B3GNT2: variants seen among roughly 807,000 people sequenced by gnomAD.
B3GNT2 encodes N-acetyllactosaminide beta-1,3-N-acetylglucosaminyltransferase 2.
B3GNT2 carries 12 observed loss-of-function variants against 27.6 expected under a neutral mutation model. That is an observed-to-expected ratio of 0.44 (90% CI 0.28 to 0.71). The LOEUF (loss-of-function observed/expected upper bound fraction) is 0.71, where lower values mean the gene tolerates loss of function less well. Among genes scored for constraint, B3GNT2 ranks in the 30% least tolerant of loss-of-function variants. The pLI is 0.17. For synonymous variants in B3GNT2, 192 were observed against 189.7 expected (o/e 1.01, Z -0.10); for missense variants, 413 against 488.5 (o/e 0.85, Z 1.46).
At position 62,196,332 on chromosome 2, in the gene B3GNT2, G is replaced by A. The variant is rs1300831911; in HGVS notation, c.-33G>A. 2 of 152,182 alleles carry A rather than the reference G, an allele frequency of 1.3e-5. No individual in the cohort carries two copies. Among genetic ancestry groups the A allele is most frequent in the African/African-American group, 4.8e-5 (2 of 41,382 alleles). 9.4% of individuals were successfully genotyped at this position (152,182 alleles called of 1,614,324 possible). A position where few individuals can be genotyped will look rare whatever the true frequency, so the allele number is the denominator to read the frequency against. On this transcript the variant is annotated 5_prime_UTR_variant, in exon 1 of 2. Transcript: ENST00000301998. ...CTCCCGCCCTTGCCCCCGCCCCGCC[G>A]AGCTGGAGCTGCTCCCGGACAAGGT...
intron 1 of B3GNT2, chr2:62,221,749 G>A (rs1674698067): frequency 2.1e-6 from 1 of 465,372 alleles, no homozygotes; most frequent in Non-Finnish European, 4.2e-6. Context: ...TTTTGTGTAT[G>A]TATGTGTATA....
chr2:62,197,554 T>G (rs1406732020), intron 1 of B3GNT2, among the ~76,000 whole-genome samples: 2 of 152,250 alleles, frequency 1.3e-5, no homozygotes, highest in Non-Finnish European at 2.9e-5. Flanking sequence ...TCAGAAAGAT[T>G]GTTTAGAACA....
chr2:62,217,672 G>A (rs1674602490), intron 1 of B3GNT2, among the ~76,000 whole-genome samples: 1 of 152,188 alleles, frequency 6.6e-6, no homozygotes, highest in African/African-American at 2.4e-5. Flanking sequence ...GCTGTATCCC[G>A]GTCCCCAGCG....
At position 62,222,505 on chromosome 2, in the gene B3GNT2, C is replaced by T; in HGVS notation, c.285C>T (p.Tyr95=). 1 of 1,614,182 alleles carries T rather than the reference C, an allele frequency of 6.2e-7. No homozygotes were observed. The highest frequency in any genetic ancestry group is 8.5e-7 in the Non-Finnish European group (1 of 1,180,030). The change falls in exon 2 of 2, where the codon TAC becomes TAT. Residue 95 remains tyrosine, a synonymous_variant. Transcript: ENST00000301998. This position sits in a 1 kb window ranked among gnomAD's most constrained non-coding sequence, Gnocchi z 4.2. ...GRLSNISHLN[Y]CEPDLRVTSV... Reference sequence around the variant, plus strand: ...TCTCCAATATAAGCCATCTGAACTACTGCGAACCTGACCTGAGGGTCACGT... The same window carrying T: ...TCTCCAATATAAGCCATCTGAACTATTGCGAACCTGACCTGAGGGTCACGT...
Position 62,223,650 on chromosome 2 carries a change from G to T in B3GNT2, c.*236G>T. The stretch of plus-strand genomic sequence containing the variant: ...TGATTGGTTCTGATCTTACCGGCTA[G>T]TGGTCATTTTTAAAAAACTTGTACC... On this transcript the variant is annotated 3_prime_UTR_variant, in exon 2 of 2. Transcript: ENST00000301998. 2.5e-6 allele frequency: 1 copy of T among 398,150 alleles called. No homozygotes were observed. Among genetic ancestry groups the T allele is most frequent in the South Asian group, 5.4e-5 (1 of 18,688 alleles). The allele number at this position is 398,150 out of a possible 1,614,324, so 24.7% of individuals were successfully genotyped here. A position where few individuals can be genotyped will look rare whatever the true frequency, so the allele number is the denominator to read the frequency against.
intron 1 of B3GNT2, among the ~76,000 whole-genome samples, chr2:62,221,528 G>C (rs993412557): frequency 1.3e-5 from 2 of 152,102 alleles, no homozygotes; most frequent in African/African-American, 2.4e-5. Flanking sequence ...AAAAGAGAGA[G>C]AGATAGGGTC....
Position 62,196,149 on chromosome 2 carries a change from C to G in B3GNT2, c.-216C>G, listed in dbSNP as rs1450549104. On this transcript the variant is annotated 5_prime_UTR_variant, in exon 1 of 2. Coordinates refer to ENST00000301998, the MANE Select transcript of B3GNT2 (RefSeq NM_006577.6). ...TGAGGCGCAGCGGCAGCGGCAGCAG[C>G]GGCAACAAGTGCCGGAGGCTAGCAG... The G allele has an allele frequency of 6.6e-6, 1 of 151,738 alleles. No homozygotes were observed. Among genetic ancestry groups the G allele is most frequent in the Non-Finnish European group, 1.5e-5 (1 of 67,902 alleles). 9.4% of individuals were successfully genotyped at this position (151,738 alleles called of 1,614,324 possible).
chr2:62,222,090 G>A lies in B3GNT2; in HGVS notation c.-9-122G>A. 1.2e-6 allele frequency: 1 copy of A among 866,840 alleles called. No individual in the cohort carries two copies. Among genetic ancestry groups the A allele is most frequent in the Non-Finnish European group, 1.7e-6 (1 of 571,630 alleles). 53.7% of individuals were successfully genotyped at this position (866,840 alleles called of 1,614,324 possible). ...AAGGAAGGGCCAAGATTTGAACCTA[G>A]GCAGTGCAAGTGTAGAGTCTTTGCT... On this transcript the variant is annotated intron_variant, in intron 1 of 1. Transcript: ENST00000301998. The surrounding 1 kb of genome is among the most constrained non-coding windows in gnomAD (Gnocchi z 4.2).
rs1270528708 is a variant in B3GNT2, at chr2:62,223,095, C to T, written c.875C>T (p.Pro292Leu). 1 of 1,614,070 alleles carries T rather than the reference C, an allele frequency of 6.2e-7. No individual in the cohort carries two copies. Among genetic ancestry groups the T allele is most frequent in the African/African-American group, 1.3e-5 (1 of 74,926 alleles). ...HRDKKLKYYI[P>L]EVVYSGLYPP... ...GATAAGAAGCTGAAGTACTACATCC[C>T]AGAAGTTGTTTACTCTGGCCTCTAC... is the stretch of plus-strand genomic sequence containing the variant. Residue 292 changes from proline to leucine, a missense_variant, in exon 2 of 2, where the codon CCA (proline) becomes CTA (leucine). By Grantham distance (98) the Pro-to-Leu change is moderately conservative (BLOSUM62 -3). Transcript: ENST00000301998.
At position 62,223,375 on chromosome 2, in the gene B3GNT2, T is replaced by A; in HGVS notation, c.1155T>A (p.Asp385Glu). ...VHSRKPQEMI[D>E]IWSQLQSAHL... is the part of the protein sequence containing the mutation. The stretch of plus-strand genomic sequence containing the variant: ...GTAGAAAACCTCAAGAGATGATTGA[T>A]ATTTGGTCTCAGTTGCAGAGTGCTC... Residue 385 changes from aspartate (D) to glutamate (E), a missense_variant, in exon 2 of 2, where the codon GAT (aspartate) becomes GAA (glutamate). Physicochemically the swap from Asp to Glu is conservative, Grantham distance 45 (BLOSUM62 2). Coordinates refer to ENST00000301998, the MANE Select transcript of B3GNT2 (RefSeq NM_006577.6). 6.2e-7 allele frequency: 1 copy of A among 1,613,216 alleles called. No individual in the cohort carries two copies. The highest frequency in any genetic ancestry group is 8.5e-7 in the Non-Finnish European group (1 of 1,179,562).
At position 62,223,260 on chromosome 2, in the gene B3GNT2, C is replaced by T. The variant is rs1438080010; in HGVS notation, c.1040C>T (p.Pro347Leu). ...TGCCTTCAGAAACTCGGCCTCGTTC[C>T]AGAGAAACACAAAGGCTTCAGGACA... ...GMCLQKLGLVPEKHKGFRTFD... is the reference protein window; with the variant it reads ...GMCLQKLGLVLEKHKGFRTFD... Residue 347 changes from proline to leucine, a missense_variant, in exon 2 of 2, where the codon CCA becomes CTA. Pro to Leu is a moderately conservative substitution (Grantham distance 98). Coordinates refer to ENST00000301998, the MANE Select transcript of B3GNT2 (RefSeq NM_006577.6). The T allele has an allele frequency of 6.2e-7, 1 of 1,613,988 alleles. No homozygotes were observed.
intron 1 of B3GNT2, among the ~76,000 whole-genome samples, chr2:62,197,868 C>G (rs1253742368): frequency 2.0e-5 from 3 of 152,208 alleles, no homozygotes; most frequent in African/African-American, 7.2e-5. Context: ...TCCCATTGTC[C>G]TAACTCCTGC....
chr2:62,207,966 G>A (rs1409813444), intron 1 of B3GNT2, among the ~76,000 whole-genome samples: 1 of 152,158 alleles, frequency 6.6e-6, no homozygotes, highest in Non-Finnish European at 1.5e-5. Flanking sequence ...CTCTGTGTGT[G>A]GCCAGTTATC....
At chr2:62,196,911 G>A (rs981591128) in intron 1 of B3GNT2, among the ~76,000 whole-genome samples, 4 of 152,044 alleles carry the variant, frequency 2.6e-5, no homozygotes, top group Admixed American at 6.5e-5. Flanking sequence ...TGTTTTGTGA[G>A]CCAAAGAGCC....
Position 62,221,716 on chromosome 2 carries a change from A to G in B3GNT2, c.-9-496A>G, listed in dbSNP as rs1391912113. 2.2e-5 allele frequency: 9 copies of G among 406,588 alleles called. No individual in the cohort carries two copies. The East Asian group carries it at 3.6e-4, about 16-fold the overall frequency. 25.2% of individuals were successfully genotyped at this position (406,588 alleles called of 1,614,324 possible). A position where few individuals can be genotyped will look rare whatever the true frequency, so the allele number is the denominator to read the frequency against. ...AGTGAATGACATGGAACTGCACACA[A>G]TGCGTCACACATGTAAATAGAGTTT... On this transcript the variant is annotated intron_variant, in intron 1 of 1. Coordinates refer to ENST00000301998, the MANE Select transcript of B3GNT2 (RefSeq NM_006577.6).
intron 1 of B3GNT2, among the ~76,000 whole-genome samples, chr2:62,217,345 T>C (rs986494764): frequency 7.2e-5 from 11 of 152,308 alleles, no homozygotes; most frequent in African/African-American, 2.4e-4. Context: ...CTGTGTGACA[T>C]TGGACAAGTT....
Position 62,223,290 on chromosome 2 carries a change from A to T in B3GNT2, c.1070A>T (p.Asp357Val), listed in dbSNP as rs774994033. ...PEKHKGFRTF[D>V]IEEKNKNNIC... ...AAACACAAAGGCTTCAGGACATTTG[A>T]TATCGAGGAGAAAAACAAAAATAAC... Residue 357 changes from aspartate to valine, a missense_variant, in exon 2 of 2, where the codon GAT becomes GTT. Physicochemically the swap from Asp to Val is radical, Grantham distance 152. Transcript: ENST00000301998. 6.2e-7 allele frequency: 1 copy of T among 1,614,226 alleles called. No homozygotes were observed.
chr2:62,210,762 C>T (rs1460962273), intron 1 of B3GNT2, among the ~76,000 whole-genome samples: 4 of 146,582 alleles, frequency 2.7e-5, no homozygotes, highest in Non-Finnish European at 6.0e-5. Flanking sequence ...GAGCAAGACT[C>T]CATCTCAAAA....
chr2:62,223,498 A>G lies in B3GNT2; in HGVS notation c.*84A>G. 8.1e-7 allele frequency: 1 copy of G among 1,235,296 alleles called. No homozygotes were observed. 76.5% of individuals were successfully genotyped at this position (1,235,296 alleles called of 1,614,324 possible). A position where few individuals can be genotyped will look rare whatever the true frequency, so the allele number is the denominator to read the frequency against. The stretch of plus-strand genomic sequence containing the variant: ...GTTCTCACATTAGAGTAATTTCTAT[A>G]TTAAACCATGAAAATTGCCTTTATG... On this transcript the variant is annotated 3_prime_UTR_variant, in exon 2 of 2. Coordinates refer to ENST00000301998, the MANE Select transcript of B3GNT2 (RefSeq NM_006577.6).
Sources: gnomAD v4.1 joint callset for allele counts (sites outside exome capture counted in the v4.1 genomes callset) on GRCh38, gnomAD v4.1.1 for gene constraint, Gnocchi (gnomAD v3.1) non-coding constraint, MANE v1.5 for transcripts, NCBI Gene and HGNC (gene_info 2026-07-23, HGNC 2026-07-21) for gene names.